FILIP1: variants seen among roughly 807,000 people sequenced by gnomAD.
FILIP1 encodes filamin A interacting protein 1.
A neutral mutation model predicts 102.1 loss-of-function variants in FILIP1; 61 were observed. The ratio of observed to expected loss-of-function variants is 0.60; its 90% confidence interval spans 0.49 to 0.74. The LOEUF is 0.74. FILIP1 is among the 30% of genes least tolerant of loss of function. The probability of loss-of-function intolerance (pLI) is 0.00; values close to 1 mark genes in which losing one functional copy is unlikely to be tolerated. For missense variants in FILIP1, 1,314 were observed against 1,441.2 expected (o/e 0.91, Z 1.43); for synonymous variants, 491 against 526.9 (o/e 0.93, Z 0.93).
intron 1 of FILIP1, among the ~76,000 whole-genome samples, chr6:75,423,257 C>G (rs1777526203): frequency 6.6e-6 from 1 of 152,106 alleles, no homozygotes; most frequent in Non-Finnish European, 1.5e-5. Flanking sequence ...CTGAGCTGAG[C>G]AAAAATTTAA....
intron 2 of FILIP1, among the ~76,000 whole-genome samples, chr6:75,379,295 T>C (rs1408722857): frequency 6.6e-6 from 1 of 152,154 alleles, no homozygotes; most frequent in East Asian, 1.9e-4. Context: ...TAGAAATACA[T>C]ATTACAAGGA....
At chr6:75,394,359 T>A (rs892651007) in intron 2 of FILIP1, among the ~76,000 whole-genome samples, 1 of 152,106 alleles carries the variant, frequency 6.6e-6, no homozygotes, top group Non-Finnish European at 1.5e-5. Flanking sequence ...TGAAAGAAAT[T>A]TTGTATAATC....
Position 75,414,796 on chromosome 6 carries a change from T to G in FILIP1, c.177A>C (p.Leu59=). Residue 59 remains leucine (L), a synonymous_variant, in exon 2 of 6, where the codon CTA becomes CTC. Transcript: ENST00000237172. ...VMASGTVKRH[L]KTSGECERKT... is the part of the protein sequence containing the mutation. The stretch of plus-strand genomic sequence containing the variant: ...TTCGTTCACATTCTCCAGATGTTTT[T>G]AGGTGTCGTTTGACAGTTCCTGAGG... 1.2e-6 allele frequency: 2 copies of G among 1,613,988 alleles called. No individual in the cohort carries two copies. The highest frequency in any genetic ancestry group is 1.1e-5 in the South Asian group (1 of 91,076).
chr6:75,409,468 T>C (rs909849804), intron 2 of FILIP1, among the ~76,000 whole-genome samples: 2 of 152,206 alleles, frequency 1.3e-5, no homozygotes, highest in African/African-American at 2.4e-5. Flanking sequence ...CACTCACTCC[T>C]GGGTATAGGC....
At chr6:75,420,920 T>C (rs548433861) in intron 1 of FILIP1, among the ~76,000 whole-genome samples, 191 of 152,318 alleles carry the variant, frequency 1.3e-3, no homozygotes, top group Middle Eastern at 3.4e-3. Flanking sequence ...TTTGAATTTA[T>C]AACATTTTAC....
chr6:75,297,985 G>A (rs1005529644), intron 6 of FILIP1, among the ~76,000 whole-genome samples: 2 of 152,158 alleles, frequency 1.3e-5, no homozygotes, highest in African/African-American at 4.8e-5. Context: ...CCTTCAGTGT[G>A]CAGCAGTGGA....
chr6:75,333,103 GTA>G (rs1454550671), intron 4 of FILIP1, among the ~76,000 whole-genome samples: 2 of 152,098 alleles, frequency 1.3e-5, no homozygotes, highest in Non-Finnish European at 2.9e-5. Context: ...ATTAATTTAA[GTA>G]TATACATCAC....
At chr6:75,379,268 CT>C (rs1775831771) in intron 2 of FILIP1, among the ~76,000 whole-genome samples, 1 of 152,100 alleles carries the variant, frequency 6.6e-6, no homozygotes, top group Non-Finnish European at 1.5e-5. Flanking sequence ...TAGTTTATTA[CT>C]CAGTTTTTTA....
At chr6:75,471,670 C>T (rs1779335229) in intron 1 of FILIP1, among the ~76,000 whole-genome samples, 1 of 152,040 alleles carries the variant, frequency 6.6e-6, no homozygotes. Flanking sequence ...TTCAGAACAA[C>T]CTAAATATTC....
At chr6:75,346,863 C>T (rs915056858) in intron 4 of FILIP1, among the ~76,000 whole-genome samples, 3 of 152,146 alleles carry the variant, frequency 2.0e-5, no homozygotes, top group African/African-American at 7.2e-5. Flanking sequence ...TTTGATTCTG[C>T]ATTATCTCAG....
intron 1 of FILIP1, among the ~76,000 whole-genome samples, chr6:75,478,968 C>A (rs1417254835): frequency 6.6e-6 from 1 of 152,110 alleles, no homozygotes; most frequent in Non-Finnish European, 1.5e-5. Context: ...ATGATCTAGT[C>A]ATAAATGTGT....
At chr6:75,351,988 C>T (rs1774825376) in intron 4 of FILIP1, among the ~76,000 whole-genome samples, 1 of 152,140 alleles carries the variant, frequency 6.6e-6, no homozygotes, top group Non-Finnish European at 1.5e-5. Flanking sequence ...TTAAGACAAA[C>T]ATAAAAAACC....
Position 75,314,180 on chromosome 6 carries a change from C to T in FILIP1, c.1652G>A (p.Ser551Asn), listed in dbSNP as rs1169032032. ...MDVTEKLIEESKKLLKLKSEM... is the reference protein window; with the variant it reads ...MDVTEKLIEENKKLLKLKSEM... ...AGATTTTAGTTTTAAAAGTTTCTTA[C>T]TTTCTTCAATTAGTTTTTCAGTTAC... is the stretch of plus-strand genomic sequence containing the variant. The change falls in exon 5 of 6, where the codon AGT (serine) becomes AAT (asparagine). Residue 551 changes from serine (S) to asparagine (N), a missense_variant. By Grantham distance (46) the Ser-to-Asn change is conservative (BLOSUM62 1). Around this residue, in one of 3 missense-constraint regions of FILIP1, gnomAD observed 816 missense variants for 913.1 expected, o/e 0.89. Transcript: ENST00000237172. 6.5e-7 allele frequency: 1 copy of T among 1,548,310 alleles called. No individual in the cohort carries two copies. The highest frequency in any genetic ancestry group is 8.6e-7 in the Non-Finnish European group (1 of 1,159,326).
chr6:75,338,779 A>G (rs983830347), intron 4 of FILIP1, among the ~76,000 whole-genome samples: 1 of 152,176 alleles, frequency 6.6e-6, no homozygotes, highest in Non-Finnish European at 1.5e-5. Context: ...TCCATACCCA[A>G]TTTTGCCCAT....
intron 1 of FILIP1, among the ~76,000 whole-genome samples, chr6:75,467,192 T>C (rs1022799346): frequency 6.6e-6 from 1 of 152,252 alleles, no homozygotes; most frequent in African/African-American, 2.4e-5. Flanking sequence ...ACTTGCACAA[T>C]AAAATTTCTT....
chr6:75,434,908 T>C (rs549004574), intron 1 of FILIP1, among the ~76,000 whole-genome samples: 1 of 152,360 alleles, frequency 6.6e-6, no homozygotes, highest in Middle Eastern at 3.4e-3. Context: ...GGGCGTTGAA[T>C]TTTGTCGAAG....
At chr6:75,372,987 G>A (rs1023836689) in intron 2 of FILIP1, among the ~76,000 whole-genome samples, 1 of 152,148 alleles carries the variant, frequency 6.6e-6, no homozygotes, top group Admixed American at 6.5e-5. Context: ...GAACACTCAT[G>A]TTCATAGTAA....
chr6:75,303,769 G>A (rs75664898), downstream of FILIP1, among the ~76,000 whole-genome samples: 1,133 of 151,906 alleles, frequency 7.5e-3, 35 homozygotes, highest in East Asian at 0.11. Flanking sequence ...GAGAGAGAGA[G>A]AGAAAGAGAG....
intron 1 of FILIP1, among the ~76,000 whole-genome samples, chr6:75,460,268 T>C (rs1357443381): frequency 6.6e-6 from 1 of 152,190 alleles, no homozygotes; most frequent in East Asian, 1.9e-4. Context: ...TCAGCAAATA[T>C]ATGAAGACTA....
Sources: allele counts gnomAD v4.1 joint callset (sites outside exome capture counted in the v4.1 genomes callset), GRCh38; gene constraint gnomAD v4.1.1; regional missense constraint gnomAD v4.1.1; transcripts MANE v1.5; gene names NCBI Gene and HGNC (gene_info 2026-07-23, HGNC 2026-07-21).